The following RAB6B variants were observed in gnomAD, a reference collection of about 807,000 sequenced individuals.
RAB6B encodes RAB6B, member RAS oncogene family.
A neutral mutation model predicts 31.2 loss-of-function variants in RAB6B; 7 were observed. The observed-to-expected ratio is 0.22, with a 90% confidence interval of 0.13 to 0.42. The LOEUF is 0.42. RAB6B is among the 10% of genes least tolerant of loss of function. The probability of loss-of-function intolerance (pLI) is 1.00; values close to 1 mark genes in which losing one functional copy is unlikely to be tolerated. For missense variants in RAB6B, 149 were observed against 280.6 expected (o/e 0.53, Z 3.35); for synonymous variants, 105 against 104.9 (o/e 1.00, Z -0.01).
At chr3:133,839,410 C>A in intron 5 of RAB6B, 96 bp downstream of exon 5, 3 of 1,096,752 alleles carry the variant, frequency 2.7e-6, no homozygotes, top group South Asian at 1.3e-5. Context: ...GTCAGAAGCA[C>A]AGACACACCA....
At chr3:133,889,607 G>A (rs1417795491) in intron 1 of RAB6B, among the ~76,000 whole-genome samples, 1 of 151,516 alleles carries the variant, frequency 6.6e-6, no homozygotes, top group African/African-American at 2.4e-5. Flanking sequence ...GCTAATGTTT[G>A]TACTTCTTAG....
rs548421213 is a variant in RAB6B, at chr3:133,832,926, T to TCTGACCTGACTGTGGGCCCAGC, written c.562+1627_562+1648dup. Among the ~76,000 whole-genome samples, 81 of 152,282 alleles carry TCTGACCTGACTGTGGGCCCAGC rather than the reference T, an allele frequency of 5.3e-4. 1 individual carries two copies. The highest frequency in any genetic ancestry group is 3.4e-3 in the Middle Eastern group (1 of 292). On this transcript the variant is annotated intron_variant, in intron 7 of 7. Coordinates refer to ENST00000285208, the MANE Select transcript of RAB6B (RefSeq NM_016577.4). ...CACTGTCACCCTGCACTCAGCCCAG[T>TCTGACCTGACTGTGGGCCCAGC]CTGACCTGACTGTGGGCCCAGCCTG... is the stretch of plus-strand genomic sequence containing the variant.
At chr3:133,837,328 T>C (rs1441860355) in intron 6 of RAB6B, among the ~76,000 whole-genome samples, 1 of 152,192 alleles carries the variant, frequency 6.6e-6, no homozygotes, top group Non-Finnish European at 1.5e-5. Context: ...TGTGCTTCCT[T>C]ATGAAACACA....
At chr3:133,878,123 G>GA (rs1246463578) in intron 1 of RAB6B, among the ~76,000 whole-genome samples, 3 of 151,974 alleles carry the variant, frequency 2.0e-5, no homozygotes, top group East Asian at 1.9e-4. Flanking sequence ...GGCAGTGACA[G>GA]AAAAAATATT....
intron 1 of RAB6B, among the ~76,000 whole-genome samples, chr3:133,884,879 C>T (rs1024149246): frequency 2.4e-5 from 3 of 122,660 alleles, no homozygotes; most frequent in African/African-American, 9.4e-5. Flanking sequence ...ACGGGGGATT[C>T]ACACACCAAA....
At chr3:133,854,662 C>T (rs1697770493) in intron 2 of RAB6B, among the ~76,000 whole-genome samples, 2 of 152,194 alleles carry the variant, frequency 1.3e-5, no homozygotes, top group African/African-American at 4.8e-5. Flanking sequence ...ATCTTATGAG[C>T]ATGGATTTCA....
chr3:133,894,000 A>G lies in RAB6B; in HGVS notation c.70+1397T>C, dbSNP rs570065826. ...CATCTCCATACTGGGCCTGGACACTACCTTCTAACGTCCTTCTCTGAACCA... is the reference window on the plus strand; with the variant it reads ...CATCTCCATACTGGGCCTGGACACTGCCTTCTAACGTCCTTCTCTGAACCA... On this transcript the variant is annotated intron_variant, in intron 1 of 7. Transcript: ENST00000285208. Among the ~76,000 whole-genome samples the G allele has an allele frequency of 2.6e-5, 4 of 152,278 alleles. No homozygotes were observed. The South Asian group carries it at 8.3e-4, about 32-fold the overall frequency.
At chr3:133,873,707 T>C (rs984141260) in intron 1 of RAB6B, among the ~76,000 whole-genome samples, 5 of 152,196 alleles carry the variant, frequency 3.3e-5, no homozygotes, top group African/African-American at 1.2e-4. Flanking sequence ...TTTTAATATA[T>C]AGAGAGTTGA....
intron 1 of RAB6B, among the ~76,000 whole-genome samples, chr3:133,872,746 T>C (rs768200583): frequency 3.9e-5 from 6 of 152,176 alleles, no homozygotes; most frequent in Non-Finnish European, 8.8e-5. Flanking sequence ...AAAACCCCAT[T>C]TCAAACCATC....
intron 7 of RAB6B, among the ~76,000 whole-genome samples, chr3:133,829,721 A>T (rs1230847461): frequency 2.6e-5 from 4 of 152,194 alleles, no homozygotes; most frequent in Non-Finnish European, 5.9e-5. Context: ...TGAGGACAAC[A>T]GGAGAGGTTC....
In RAB6B at chr3:133,828,709, T is replaced by TC. The variant is rs1935610946; in HGVS notation, c.*78dup. On this transcript the variant is annotated 3_prime_UTR_variant, in exon 8 of 8. Transcript: ENST00000285208. ...CTCCCATCTTGATAACTCGGTTCCC[T>TC]CCCCCCTTAGGAAGCTAGCCAATAG... The TC allele has an allele frequency of 3.3e-6, 4 of 1,209,524 alleles. No individual in the cohort carries two copies. The highest frequency in any genetic ancestry group is 4.6e-5 in the East Asian group (1 of 21,870). 74.9% of individuals were successfully genotyped at this position (1,209,524 alleles called of 1,614,324 possible). A position where few individuals can be genotyped will look rare whatever the true frequency, so the allele number is the denominator to read the frequency against.
intron 2 of RAB6B, among the ~76,000 whole-genome samples, chr3:133,843,138 G>T (rs1474157269): frequency 6.6e-6 from 1 of 152,220 alleles, no homozygotes; most frequent in African/African-American, 2.4e-5. Flanking sequence ...GATATGGGGG[G>T]TCATTCTACG....
chr3:133,837,928 G>A (rs1205849503), intron 6 of RAB6B, among the ~76,000 whole-genome samples: 3 of 152,230 alleles, frequency 2.0e-5, no homozygotes, highest in Non-Finnish European at 4.4e-5. Context: ...CAACTACTAC[G>A]GTGGCTGGTG....
intron 1 of RAB6B, among the ~76,000 whole-genome samples, chr3:133,877,969 C>A (rs1313408665): frequency 2.6e-5 from 4 of 151,614 alleles, no homozygotes; most frequent in Non-Finnish European, 5.9e-5. Flanking sequence ...GATCAATGAA[C>A]CTGAAGACAG....
chr3:133,839,137 GCA>G (rs1935783830), intron 5 of RAB6B, among the ~76,000 whole-genome samples: 1 of 152,238 alleles, frequency 6.6e-6, no homozygotes, highest in Non-Finnish European at 1.5e-5. Context: ...CACTTCACAG[GCA>G]CAGACAGTTC....
chr3:133,881,068 C>A (rs533672422), intron 1 of RAB6B, among the ~76,000 whole-genome samples: 2 of 152,186 alleles, frequency 1.3e-5, no homozygotes, highest in Non-Finnish European at 2.9e-5. Flanking sequence ...TTAGGGTCAA[C>A]AAAGGGCCAG....
rs555610676 is a variant in RAB6B, at chr3:133,825,420, C to G, written c.*3368G>C. ...TACTGAAACTGGTCTGGCCATTGCT[C>G]CCCTCAGACCTGGGAACATGACTGA... On this transcript the variant is annotated 3_prime_UTR_variant, in exon 8 of 8. Coordinates refer to ENST00000285208, the MANE Select transcript of RAB6B (RefSeq NM_016577.4). 1 of 152,306 alleles carries G rather than the reference C, an allele frequency of 6.6e-6. No homozygotes were observed. The highest frequency in any genetic ancestry group is 6.5e-5 in the Admixed American group (1 of 15,302). The allele number at this position is 152,306 out of a possible 1,614,324, so 9.4% of individuals were successfully genotyped here. A position where few individuals can be genotyped will look rare whatever the true frequency, so the allele number is the denominator to read the frequency against.
At position 133,828,609 on chromosome 3, in the gene RAB6B, A is replaced by G. The variant is rs992679899; in HGVS notation, c.*179T>C. On this transcript the variant is annotated 3_prime_UTR_variant, in exon 8 of 8. Transcript: ENST00000285208. ...AGTTGTTTAAGTAACAGCCGTTAAG[A>G]GTGATGTGATCCCTGATGCCCAGCC... 1.4e-6 allele frequency: 1 copy of G among 706,228 alleles called. No homozygotes were observed. The highest frequency in any genetic ancestry group is 1.8e-5 in the African/African-American group (1 of 56,806). The allele number at this position is 706,228 out of a possible 1,614,324, so 43.7% of individuals were successfully genotyped here.
chr3:133,889,416 A>ATATT (rs1936602162), intron 1 of RAB6B, among the ~76,000 whole-genome samples: 1 of 58,248 alleles, frequency 1.7e-5, no homozygotes, highest in Non-Finnish European at 3.5e-5. Context: ...ATATATATAT[A>ATATT]TATATATATA....
Sources: allele counts gnomAD v4.1 joint callset (sites outside exome capture counted in the v4.1 genomes callset), GRCh38; gene constraint gnomAD v4.1.1; transcripts MANE v1.5; gene names NCBI Gene and HGNC (gene_info 2026-07-23, HGNC 2026-07-21).